The following SCAPER variants were observed in gnomAD, a reference collection of about 807,000 sequenced individuals.
SCAPER encodes the protein S-phase cyclin A associated protein in the ER.
In SCAPER, 98 loss-of-function variants were observed where a neutral mutation model predicts 182.2. The ratio of observed to expected loss-of-function variants is 0.54; its 90% confidence interval spans 0.46 to 0.64. SCAPER has a LOEUF of 0.64. Among genes scored for constraint, SCAPER ranks in the 30% least tolerant of loss-of-function variants. The probability of loss-of-function intolerance (pLI) is 0.00; values close to 1 mark genes in which losing one functional copy is unlikely to be tolerated. For missense variants in SCAPER, 1,432 were observed against 1,690.0 expected (o/e 0.85, Z 2.68); for synonymous variants, 605 against 564.6 (o/e 1.07, Z -1.01).
intron 25 of SCAPER, 198 bp downstream of exon 25, chr15:76,471,014 C>T: frequency 2.5e-6 from 1 of 395,200 alleles, no homozygotes; most frequent in Non-Finnish European, 4.4e-6. Context: ...TAAAAGAATC[C>T]AATGCAAAAA....
At chr15:76,649,961 A>G (rs2054883071) in intron 21 of SCAPER, among the ~76,000 whole-genome samples, 1 of 152,142 alleles carries the variant, frequency 6.6e-6, no homozygotes, top group African/African-American at 2.4e-5. Context: ...TTCTTAAATT[A>G]TTTAAAAGAT....
chr15:76,700,487 C>T (rs1348976889), intron 20 of SCAPER, among the ~76,000 whole-genome samples: 1 of 152,156 alleles, frequency 6.6e-6, no homozygotes, highest in Non-Finnish European at 1.5e-5. Context: ...AGTCCTGGTG[C>T]TCTACAAAGC....
chr15:76,774,345 T>C (rs1405691047), intron 9 of SCAPER: 2 of 366,686 alleles, frequency 5.5e-6, no homozygotes, highest in Admixed American at 7.9e-5. Context: ...CTATATCCAA[T>C]GAAAGATATT....
At chr15:76,721,107 G>T (rs973422431) in intron 17 of SCAPER, among the ~76,000 whole-genome samples, 3 of 152,122 alleles carry the variant, frequency 2.0e-5, no homozygotes, top group African/African-American at 7.2e-5. Flanking sequence ...TTTGTATAAG[G>T]TGTAAGGAAG....
chr15:76,804,684 C>A, intron 5 of SCAPER, 51 bp from the exon 6 acceptor site: 4 of 1,199,272 alleles, frequency 3.3e-6, no homozygotes, highest in Non-Finnish European at 3.5e-6. Context: ...AGACTAAAAA[C>A]TTTGAAGAAA....
intron 24 of SCAPER, among the ~76,000 whole-genome samples, chr15:76,500,084 ATTGAGGCTCTGTTATAACAAG>A (rs974891015): frequency 3.9e-5 from 6 of 152,332 alleles, no homozygotes; most frequent in Admixed American, 2.0e-4. Context: ...TTCCCATTTA[ATTGAGGCTCTGTTATAACAAG>A]TAGTTTGGCC....
intron 10 of SCAPER, among the ~76,000 whole-genome samples, chr15:76,767,488 T>C (rs185542248): frequency 6.6e-6 from 1 of 152,306 alleles, no homozygotes; most frequent in East Asian, 1.9e-4. Context: ...AAAGAATATA[T>C]GCTGTACTGG....
intron 4 of SCAPER, among the ~76,000 whole-genome samples, chr15:76,842,734 T>C (rs959018576): frequency 6.6e-5 from 10 of 152,142 alleles, no homozygotes; most frequent in Admixed American, 5.9e-4. Flanking sequence ...TTAGAGTATG[T>C]ATTATTACCT....
intron 2 of SCAPER, among the ~76,000 whole-genome samples, chr15:76,867,221 A>C (rs924655053): frequency 8.5e-5 from 13 of 152,314 alleles, no homozygotes; most frequent in African/African-American, 2.9e-4. Context: ...TCTACTTTAT[A>C]CAAGTTCTTC....
Position 76,593,454 on chromosome 15 carries a change from A to T in SCAPER, c.2712-19170T>A, listed in dbSNP as rs538518357. Among the ~76,000 whole-genome samples the T allele has an allele frequency of 2.5e-5, 3 of 121,222 alleles. 1 individual carries two copies. In the South Asian group the frequency reaches 7.8e-4, roughly 31 times the overall value. 79.5% of individuals were successfully genotyped at this position (121,222 alleles called of 152,430 possible). ...TGAAGAGAGCAGCGGATCTCCTAGC[A>T]CAGTGCTCGAGCTCAAATAAAGGAC... On this transcript the variant is annotated intron_variant, in intron 22 of 31. Coordinates refer to ENST00000563290, the MANE Select transcript of SCAPER (RefSeq NM_020843.4).
At chr15:76,862,664 T>TA in intron 2 of SCAPER, 131 bp from the exon 3 acceptor site, 1 of 517,860 alleles carries the variant, frequency 1.9e-6, no homozygotes, top group Middle Eastern at 3.9e-4. Context: ...GGTGGGTGGT[T>TA]AAACAGAGAA....
chr15:76,897,817 GATT>G (rs2074521003), intron 1 of SCAPER, among the ~76,000 whole-genome samples: 1 of 151,262 alleles, frequency 6.6e-6, no homozygotes, highest in Non-Finnish European at 1.5e-5. Context: ...GCACCTGACA[GATT>G]ATTGTTTCTG....
intron 15 of SCAPER, among the ~76,000 whole-genome samples, chr15:76,743,645 C>A (rs2151128345): frequency 6.6e-6 from 1 of 152,038 alleles, no homozygotes; most frequent in Non-Finnish European, 1.5e-5. Flanking sequence ...TGAAAAAAAT[C>A]AGAGATGACA....
intron 21 of SCAPER, among the ~76,000 whole-genome samples, chr15:76,630,295 T>A (rs1050582526): frequency 6.6e-6 from 1 of 152,198 alleles, no homozygotes; most frequent in Non-Finnish European, 1.5e-5. Context: ...CATCTCTATC[T>A]CCTTCAGTTC....
intron 23 of SCAPER, among the ~76,000 whole-genome samples, chr15:76,510,814 C>T (rs1026621609): frequency 6.6e-6 from 1 of 152,156 alleles, no homozygotes; most frequent in African/African-American, 2.4e-5. Context: ...AAATGTGGAA[C>T]CAACCCAAAT....
chr15:76,708,406 T>C (rs1026782984), intron 17 of SCAPER, among the ~76,000 whole-genome samples: 4 of 151,076 alleles, frequency 2.6e-5, no homozygotes, highest in South Asian at 2.1e-4. Context: ...CTTAAAGATA[T>C]GCTAAGAAAA....
At chr15:76,886,550 A>G (rs113619883) in intron 1 of SCAPER, among the ~76,000 whole-genome samples, 1,969 of 152,254 alleles carry the variant, frequency 0.013, 16 homozygotes, top group African/African-American at 0.016. Flanking sequence ...ACACTTATAC[A>G]CTGTTGGTGG....
intron 17 of SCAPER, 32 bp from the exon 18 acceptor site, chr15:76,706,016 A>G: frequency 1.3e-6 from 2 of 1,499,550 alleles, no homozygotes; most frequent in Non-Finnish European, 1.8e-6. Context: ...TATAAACTCA[A>G]CTGCTTAAAG....
At chr15:76,548,923 A>G (rs1308344030) in intron 23 of SCAPER, among the ~76,000 whole-genome samples, 2 of 152,230 alleles carry the variant, frequency 1.3e-5, no homozygotes, top group Non-Finnish European at 2.9e-5. Flanking sequence ...AGCAATGGCA[A>G]CAAAAGCCAA....
Sources: allele counts gnomAD v4.1 joint callset (sites outside exome capture counted in the v4.1 genomes callset), GRCh38; gene constraint gnomAD v4.1.1; transcripts MANE v1.5; gene names NCBI Gene and HGNC (gene_info 2026-07-23, HGNC 2026-07-21).